Variants in DMRT1 observed in about 807,000 individuals in gnomAD.
DMRT1 encodes the protein doublesex and mab-3 related transcription factor 1.
DMRT1 carries 7 observed loss-of-function variants against 32.3 expected under a neutral mutation model. The observed-to-expected ratio is 0.22, with a 90% CI of 0.12 to 0.41. The LOEUF (loss-of-function observed/expected upper bound fraction) is 0.41. Ranked by LOEUF, DMRT1 falls within the 10% of genes least tolerant of loss-of-function variation. The pLI is 1.00. For synonymous variants in DMRT1, 278 were observed against 206.1 expected (o/e 1.35, Z -2.99); for missense variants, 625 against 500.5 (o/e 1.25, Z -2.37).
intron 4 of DMRT1, among the ~76,000 whole-genome samples, chr9:956,576 A>C (rs1056158506): frequency 8.8e-5 from 11 of 125,688 alleles, no homozygotes; most frequent in Non-Finnish European, 2.0e-4. Context: ...AAAAAAAAAA[A>C]ACAAAAAACA....
chr9:926,687 T>TAGAGAG (rs57146042), intron 4 of DMRT1, among the ~76,000 whole-genome samples: 26 of 27,588 alleles, frequency 9.4e-4, no homozygotes, highest in Admixed American at 2.0e-3. Flanking sequence ...AAGACACAGG[T>TAGAGAG]AGAGAGAGAG....
intron 4 of DMRT1, among the ~76,000 whole-genome samples, chr9:953,813 C>T (rs956341132): frequency 5.9e-5 from 9 of 152,210 alleles, no homozygotes; most frequent in African/African-American, 2.2e-4. Context: ...TTCATTTATT[C>T]ATCAACTACT....
chr9:908,930 C>T (rs978406362), intron 3 of DMRT1, among the ~76,000 whole-genome samples: 7 of 152,068 alleles, frequency 4.6e-5, no homozygotes, highest in African/African-American at 1.4e-4. Context: ...CCCAGCCCCA[C>T]GCTTAGCACA....
intron 2 of DMRT1, among the ~76,000 whole-genome samples, chr9:870,709 C>CTCTTTTTTTTTT (rs1816206857): frequency 1.4e-5 from 1 of 69,560 alleles, no homozygotes; most frequent in African/African-American, 6.6e-5. Flanking sequence ...ATTTTCTTGA[C>CTCTTTTTTTTTT]TTTTTTTTTT....
chr9:844,197 A>C (rs942996357), intron 1 of DMRT1, among the ~76,000 whole-genome samples: 1 of 152,186 alleles, frequency 6.6e-6, no homozygotes, highest in Admixed American at 6.5e-5. Flanking sequence ...GGTCACTTAG[A>C]ATGGGAAACT....
At chr9:906,845 G>A (rs1247660771) in intron 3 of DMRT1, among the ~76,000 whole-genome samples, 1 of 152,210 alleles carries the variant, frequency 6.6e-6, no homozygotes, top group Non-Finnish European at 1.5e-5. Context: ...AGAAATCTCA[G>A]AAGCGTCTGA....
rs771941814 is a variant in DMRT1, at chr9:841,834, G to C, written c.-5G>C. The C allele has an allele frequency of 6.2e-7, 1 of 1,608,874 alleles. No individual in the cohort carries two copies. The highest frequency in any genetic ancestry group is 1.7e-5 in the Admixed American group (1 of 59,536). On this transcript the variant is annotated 5_prime_UTR_variant, in exon 1 of 5. Transcript: ENST00000382276. The stretch of plus-strand genomic sequence containing the variant: ...CAGAGTGCTCGCACTTCTCCTAGGG[G>C]CACCATGCCCAACGACGAGGCATTC...
chr9:939,346 C>A (rs1182749765), intron 4 of DMRT1, among the ~76,000 whole-genome samples: 1 of 152,212 alleles, frequency 6.6e-6, no homozygotes, highest in Admixed American at 6.5e-5. Context: ...AATCTTAACT[C>A]CCTACCCAGT....
At chr9:926,346 C>T (rs1240598438) in intron 4 of DMRT1, among the ~76,000 whole-genome samples, 2 of 152,152 alleles carry the variant, frequency 1.3e-5, no homozygotes, top group African/African-American at 4.8e-5. Flanking sequence ...CAAAATTTAA[C>T]TAGTGATTAG....
chr9:945,410 C>G (rs1026873643), intron 4 of DMRT1, among the ~76,000 whole-genome samples: 1 of 152,326 alleles, frequency 6.6e-6, no homozygotes, highest in Non-Finnish European at 1.5e-5. Context: ...CCGGCCTTAG[C>G]CTCCCAAAGT....
At chr9:861,903 G>A (rs1256317092) in intron 2 of DMRT1, among the ~76,000 whole-genome samples, 1 of 149,812 alleles carries the variant, frequency 6.7e-6, no homozygotes, top group East Asian at 2.0e-4. Flanking sequence ...CATCCCAGAT[G>A]GGGCGGCGGG....
chr9:889,128 C>G (rs983981505), intron 2 of DMRT1, among the ~76,000 whole-genome samples: 2 of 151,994 alleles, frequency 1.3e-5, no homozygotes, highest in Non-Finnish European at 2.9e-5. Flanking sequence ...CCACACTGTG[C>G]GAACCATTGG....
At chr9:894,304 C>A in intron 3 of DMRT1, 109 bp downstream of exon 3, 2 of 1,207,238 alleles carry the variant, frequency 1.7e-6, no homozygotes, top group Non-Finnish European at 2.4e-6. Flanking sequence ...CGCCCAGAGG[C>A]ACACACAGGT....
Position 912,637 on chromosome 9 carries a change from A to G in DMRT1, c.823-4126A>G, listed in dbSNP as rs186320990. Among the ~76,000 whole-genome samples, 290 of 152,356 alleles carry G rather than the reference A, an allele frequency of 1.9e-3. 3 individuals are homozygous for G. The highest frequency in any genetic ancestry group is 4.4e-4 in the Non-Finnish European group (30 of 68,036). On this transcript the variant is annotated intron_variant, in intron 3 of 4. Coordinates refer to ENST00000382276, the MANE Select transcript of DMRT1 (RefSeq NM_021951.3). ...CATCTTCATCTTTTTGTCAAATAAT[A>G]CATACATTGGGATTGGCAGCGTTAG...
chr9:848,987 G>A (rs982366880), intron 2 of DMRT1, among the ~76,000 whole-genome samples: 2 of 150,330 alleles, frequency 1.3e-5, no homozygotes, highest in African/African-American at 4.9e-5. Flanking sequence ...ATTCAGCTGT[G>A]GGGCTGAGAT....
chr9:895,919 C>T (rs905088544), intron 3 of DMRT1, among the ~76,000 whole-genome samples: 1 of 151,684 alleles, frequency 6.6e-6, no homozygotes, highest in African/African-American at 2.4e-5. Context: ...ATTCTCCTGC[C>T]TCAGCCTCCC....
rs1187423183 is a variant in DMRT1 at position 911,602 on chromosome 9, C to T, written c.823-5161C>T. Among the ~76,000 whole-genome samples, 3 of 149,734 alleles carry T rather than the reference C, an allele frequency of 2.0e-5. No homozygotes were observed. In the East Asian group the frequency reaches 6.0e-4, roughly 30 times the overall value. On this transcript the variant is annotated intron_variant, in intron 3 of 4. Transcript: ENST00000382276. ...CTGCCTCCTGGGTTCAAGCGATTCT[C>T]CTGCCTCAGCCTCCCAAGTAGCTGG... is the stretch of plus-strand genomic sequence containing the variant.
At chr9:879,116 C>G (rs1040797745) in intron 2 of DMRT1, among the ~76,000 whole-genome samples, 6 of 152,080 alleles carry the variant, frequency 3.9e-5, no homozygotes, top group African/African-American at 1.4e-4. Flanking sequence ...GAATAAGATG[C>G]CAGGCTCTAA....
chr9:870,550 G>C (rs1481682835), intron 2 of DMRT1, among the ~76,000 whole-genome samples: 1 of 151,896 alleles, frequency 6.6e-6, no homozygotes, highest in Non-Finnish European at 1.5e-5. Context: ...TTTAGCCACA[G>C]CATTGTAGTC....
Sources: allele counts gnomAD v4.1 joint callset (sites outside exome capture counted in the v4.1 genomes callset), GRCh38; gene constraint gnomAD v4.1.1; transcripts MANE v1.5; gene names NCBI Gene and HGNC (gene_info 2026-07-23, HGNC 2026-07-21).